Variants in ZNFX1 observed in about 807,000 individuals in gnomAD.
ZNFX1 encodes the protein NFX1-type zinc finger-containing protein 1.
In ZNFX1, 78 loss-of-function variants were observed where a neutral mutation model predicts 179.8. That is an observed-to-expected ratio of 0.43 (90% CI 0.36 to 0.52). The LOEUF (loss-of-function observed/expected upper bound fraction) is 0.52. Among genes scored for constraint, ZNFX1 ranks in the 20% least tolerant of loss-of-function variants. The pLI, the probability that ZNFX1 is intolerant of heterozygous loss-of-function variation, is 0.00. For synonymous variants in ZNFX1, 848 were observed against 868.5 expected, an observed-to-expected ratio of 0.98 and a Z score of 0.42; for missense variants, 1,927 against 2,386.6, an observed-to-expected ratio of 0.81 and a Z score of 4.01.
intron 7 of ZNFX1, among the ~76,000 whole-genome samples, chr20:49,259,092 A>G (rs1981050574): frequency 6.8e-6 from 1 of 146,398 alleles, no homozygotes; most frequent in South Asian, 2.2e-4. Flanking sequence ...ACAGAGTGAG[A>G]CTGTGAGACT....
Position 49,270,587 on chromosome 20 carries a change from G to C in ZNFX1, c.1225C>G (p.Arg409Gly). Residue 409 changes from arginine (R) to glycine (G), a missense_variant, in exon 3 of 14, where the codon CGA (arginine) becomes GGA (glycine). Transcript: ENST00000396105. The surrounding 1 kb of genome is among the most constrained non-coding windows in gnomAD (Gnocchi z 4.6). ...GLRKRKFDDIRIYFDTRIITP... is the reference protein window; with the variant it reads ...GLRKRKFDDIGIYFDTRIITP... ...ATAATCCTGGTGTCAAAGTAGATTC[G>C]GATGTCATCAAACTTTCTCTTCCTC... 1 of 1,614,136 alleles carries C rather than the reference G, an allele frequency of 6.2e-7. No homozygotes were observed. The highest frequency in any genetic ancestry group is 1.3e-5 in the African/African-American group (1 of 75,024).
intron 6 of ZNFX1, among the ~76,000 whole-genome samples, chr20:49,261,654 T>C (rs1981114493): frequency 1.5e-5 from 1 of 66,948 alleles, no homozygotes; most frequent in East Asian, 3.2e-4. Flanking sequence ...ACAAGTTTTT[T>C]TTTTTTTTTT....
chr20:49,253,632 G>A, intron 11 of ZNFX1, 34 bp downstream of exon 11: 2 of 1,612,762 alleles, frequency 1.2e-6, no homozygotes, highest in Non-Finnish European at 1.7e-6. Context: ...CCCACGGAGA[G>A]CCAGCCCATC....
chr20:49,250,578 C>CA lies in ZNFX1; in HGVS notation c.3313-868dup, dbSNP rs533848205. On this transcript the variant is annotated intron_variant, in intron 13 of 13. Coordinates refer to ENST00000396105, the MANE Select transcript of ZNFX1 (RefSeq NM_021035.3). ...AATTTTTTTTTTTTGAGACAGAGTT[C>CA]ACTCTTGTTGCGTAGGCTGAAGTAC... is the stretch of plus-strand genomic sequence containing the variant. Among the ~76,000 whole-genome samples, 260 of 151,768 alleles carry CA rather than the reference C, an allele frequency of 1.7e-3. 1 individual carries two copies. The highest frequency in any genetic ancestry group is 6.2e-3 in the African/African-American group (255 of 41,382).
intron 3 of ZNFX1, 40 bp downstream of exon 3, chr20:49,269,902 A>G: frequency 6.5e-7 from 1 of 1,534,538 alleles, no homozygotes; most frequent in East Asian, 2.3e-5. Flanking sequence ...TGCTTATCTT[A>G]CAAAGCAGAT....
chr20:49,251,568 G>T lies in ZNFX1; in HGVS notation c.3271C>A (p.Leu1091Met). 7.4e-6 allele frequency: 12 copies of T among 1,612,760 alleles called. No homozygotes were observed. The highest frequency in any genetic ancestry group is 9.3e-6 in the Non-Finnish European group (11 of 1,179,338). The change falls in exon 13 of 14, where the codon CTG (leucine) becomes ATG (methionine). Residue 1091 changes from leucine (L) to methionine (M), a missense_variant. Transcript: ENST00000396105. Reference sequence around the variant, plus strand: ...TTAAGAACAGATGGATGATTCTCCAGATCCTGGTAAATGTGGGGGGTCAAA... The same window carrying T: ...TTAAGAACAGATGGATGATTCTCCATATCCTGGTAAATGTGGGGGGTCAAA... ...RLLTPHIYQD[L>M]ENHPSVLKYE...
chr20:49,262,612 G>T (rs1009104465), intron 6 of ZNFX1, among the ~76,000 whole-genome samples: 1 of 152,022 alleles, frequency 6.6e-6, no homozygotes, highest in East Asian at 1.9e-4. Context: ...TCACTTATTT[G>T]TAAGACCTGA....
At chr20:49,264,956 T>G in intron 4 of ZNFX1, 92 bp from the exon 5 acceptor site, 1 of 1,551,798 alleles carries the variant, frequency 6.4e-7, no homozygotes. Context: ...TCTAGTCTGG[T>G]CCCTTAGAGA....
chr20:49,248,469 G>A lies in ZNFX1; in HGVS notation c.4555C>T (p.Gln1519Ter). ...PCVEPCVWRC[Q>*]HYQCTKLCSE... is the part of the protein sequence containing the mutation. The stretch of plus-strand genomic sequence containing the variant: ...CAGAGTTTGGTGCACTGGTAGTGCT[G>A]GCAGCGCCAGACACAGGGTTCCACG... Residue 1519 changes from glutamine (Q) to a stop codon, truncating the protein, a stop_gained, in exon 14 of 14, where the codon CAG becomes TAG. Transcript: ENST00000396105. LOFTEE classifies it high-confidence loss of function. The surrounding 1 kb of genome is among the most constrained non-coding windows in gnomAD (Gnocchi z 4.6). 1.2e-6 allele frequency: 2 copies of A among 1,611,608 alleles called. No individual in the cohort carries two copies. The highest frequency in any genetic ancestry group is 2.2e-5 in the East Asian group (1 of 44,808).
At chr20:49,261,741 G>T (rs191740862) in intron 6 of ZNFX1, among the ~76,000 whole-genome samples, 39 of 151,822 alleles carry the variant, frequency 2.6e-4, no homozygotes, top group African/African-American at 8.9e-4. Flanking sequence ...TGCCTCCCAG[G>T]TTCACACCAT....
At position 49,246,181 on chromosome 20, in the gene ZNFX1, G is replaced by GT. The variant is rs988362559; in HGVS notation, c.*1085dup. On this transcript the variant is annotated 3_prime_UTR_variant, in exon 14 of 14. Transcript: ENST00000396105. Reference sequence around the variant, plus strand: ...GGATGAAGGATCACACTTGGGATAGGTGCTGCTGGTACCAAATGTGATTTT... The same window carrying GT: ...GGATGAAGGATCACACTTGGGATAGGTTGCTGCTGGTACCAAATGTGATTTT... 1 of 152,202 alleles carries GT rather than the reference G, an allele frequency of 6.6e-6. No individual in the cohort carries two copies. The highest frequency in any genetic ancestry group is 2.4e-5 in the African/African-American group (1 of 41,422). The allele number at this position is 152,202 out of a possible 1,614,324, so 9.4% of individuals were successfully genotyped here. A position where few individuals can be genotyped will look rare whatever the true frequency, so the allele number is the denominator to read the frequency against.
chr20:49,252,683 C>T (rs2146730122), intron 12 of ZNFX1, 37 bp downstream of exon 12: 1 of 1,557,802 alleles, frequency 6.4e-7, no homozygotes, highest in East Asian at 2.2e-5. Flanking sequence ...GAGCTTTCTC[C>T]TGGGCATTTG....
intron 4 of ZNFX1, among the ~76,000 whole-genome samples, chr20:49,265,711 G>T (rs1981218321): frequency 6.6e-6 from 1 of 152,114 alleles, no homozygotes; most frequent in African/African-American, 2.4e-5. Flanking sequence ...ACATAAAATA[G>T]ATTATAAAAA....
Position 49,252,835 on chromosome 20 carries a change from G to T in ZNFX1, c.3106-5C>A, listed in dbSNP as rs377256728. 1.9e-6 allele frequency: 3 copies of T among 1,611,050 alleles called. No individual in the cohort carries two copies. Among genetic ancestry groups the T allele is most frequent in the Non-Finnish European group, 8.5e-7 (1 of 1,177,238 alleles). On this transcript the variant is annotated splice_region_variant and splice_polypyrimidine_tract_variant and intron_variant, in intron 11 of 13. Coordinates refer to ENST00000396105, the MANE Select transcript of ZNFX1 (RefSeq NM_021035.3). ...CACGTTGGCACTGGGGCGCAGCTGA[G>T]AAGAGAAACATGGCTGAGGATTCTC...
chr20:49,271,319 CAAGT>C lies in ZNFX1; in HGVS notation c.489_492del (p.Leu164ProfsTer4). 1 of 1,614,154 alleles carries C rather than the reference CAAGT, an allele frequency of 6.2e-7. No individual in the cohort carries two copies. On this transcript the variant is annotated frameshift_variant, in exon 3 of 14. Coordinates refer to ENST00000396105, the MANE Select transcript of ZNFX1 (RefSeq NM_021035.3). LOFTEE classifies it high-confidence loss of function. ...AGCTCTTTCAGCCCTAAACTTGTGGCAAGTGTGATGACCACCTCAGAAGGGTCTT... is the reference window on the plus strand; with the variant it reads ...AGCTCTTTCAGCCCTAAACTTGTGGCGTGATGACCACCTCAGAAGGGTCTT...
At chr20:49,261,830 T>G (rs1293834244) in intron 6 of ZNFX1, among the ~76,000 whole-genome samples, 2 of 151,298 alleles carry the variant, frequency 1.3e-5, no homozygotes, top group Non-Finnish European at 2.9e-5. Context: ...ATTTTTTTAG[T>G]AGAGACGGGG....
chr20:49,246,291 G>A lies in ZNFX1; in HGVS notation c.*976C>T, dbSNP rs923389192. 6.6e-6 allele frequency: 1 copy of A among 152,616 alleles called. No homozygotes were observed. The highest frequency in any genetic ancestry group is 2.4e-5 in the African/African-American group (1 of 41,448). 9.5% of individuals were successfully genotyped at this position (152,616 alleles called of 1,614,324 possible). ...AAACTTCTACCATCCCAAAGTGCAG[G>A]TTACAGGAAAGGGGTCACTCCTTAA... On this transcript the variant is annotated 3_prime_UTR_variant, in exon 14 of 14. Coordinates refer to ENST00000396105, the MANE Select transcript of ZNFX1 (RefSeq NM_021035.3).
At chr20:49,263,858 G>A (rs1981174604) in intron 5 of ZNFX1, among the ~76,000 whole-genome samples, 1 of 152,180 alleles carries the variant, frequency 6.6e-6, no homozygotes, top group Non-Finnish European at 1.5e-5. Context: ...GGGACTAGAA[G>A]TGTTTCAGAT....
At chr20:49,269,260 A>C (rs965642120) in intron 3 of ZNFX1, among the ~76,000 whole-genome samples, 1 of 152,248 alleles carries the variant, frequency 6.6e-6, no homozygotes, top group Non-Finnish European at 1.5e-5. Flanking sequence ...GCAGGAACAG[A>C]AAATTAAATA....
Sources: allele counts gnomAD v4.1 joint callset (sites outside exome capture counted in the v4.1 genomes callset), GRCh38; gene constraint gnomAD v4.1.1; non-coding constraint Gnocchi (gnomAD v3.1); transcripts MANE v1.5; gene names NCBI Gene and HGNC (gene_info 2026-07-23, HGNC 2026-07-21).